Variants in OXR1 observed in about 807,000 individuals in gnomAD.
The protein encoded by OXR1 is oxidation resistance 1.
OXR1 carries 41 observed loss-of-function variants against 104.6 expected under a neutral mutation model. That is an observed-to-expected ratio of 0.39 (90% CI 0.31 to 0.51). OXR1 has a LOEUF of 0.51. OXR1 is among the 20% of genes least tolerant of loss of function. The pLI, the probability that OXR1 is intolerant of heterozygous loss-of-function variation, is 0.77. For missense variants in OXR1, 955 were observed against 1,031.9 expected (o/e 0.93, Z 1.02); for synonymous variants, 348 against 348.4 (o/e 1.00, Z 0.01).
At chr8:106,404,088 G>A (rs570059689) in intron 2 of OXR1, among the ~76,000 whole-genome samples, 5 of 152,240 alleles carry the variant, frequency 3.3e-5, no homozygotes, top group East Asian at 1.9e-4. Context: ...GTTTTCAGAT[G>A]GGGGTGGAAA....
At chr8:106,668,175 T>A (rs1826545868) in intron 3 of OXR1, among the ~76,000 whole-genome samples, 1 of 152,176 alleles carries the variant, frequency 6.6e-6, no homozygotes, top group African/African-American at 2.4e-5. Context: ...ACCACTTTTT[T>A]ATAACTTATT....
At chr8:106,468,691 A>G (rs115154416) in intron 2 of OXR1, among the ~76,000 whole-genome samples, 169 of 151,882 alleles carry the variant, frequency 1.1e-3, no homozygotes, top group African/African-American at 4.0e-3. Context: ...ATTTGGATTT[A>G]TGGTTAATAT....
At chr8:106,273,491 T>C (rs1811902438) in intron 1 of OXR1, among the ~76,000 whole-genome samples, 1 of 152,198 alleles carries the variant, frequency 6.6e-6, no homozygotes, top group African/African-American at 2.4e-5. Context: ...GTGCTGCTGG[T>C]GTCTTGTGGG....
intron 2 of OXR1, among the ~76,000 whole-genome samples, chr8:106,505,749 A>G (rs1053622843): frequency 2.0e-5 from 3 of 152,224 alleles, no homozygotes; most frequent in Non-Finnish European, 4.4e-5. Context: ...ATCTTGAAGG[A>G]TATCAAGGCA....
At chr8:106,658,524 T>G (rs372523299) in intron 3 of OXR1, among the ~76,000 whole-genome samples, 5 of 152,226 alleles carry the variant, frequency 3.3e-5, no homozygotes, top group Non-Finnish European at 5.9e-5. Flanking sequence ...GAACCAGTTA[T>G]GACGTCCGTG....
intron 3 of OXR1, among the ~76,000 whole-genome samples, chr8:106,606,232 C>T (rs553343186): frequency 1.3e-5 from 2 of 152,132 alleles, no homozygotes; most frequent in African/African-American, 2.4e-5. Flanking sequence ...CACCTACCAT[C>T]GTCAAAGCCA....
chr8:106,691,505 G>C (rs1829271524), intron 6 of OXR1, among the ~76,000 whole-genome samples: 2 of 151,316 alleles, frequency 1.3e-5, no homozygotes, highest in African/African-American at 2.4e-5. Context: ...TTGACAAATT[G>C]GTATTGCTAT....
intron 3 of OXR1, among the ~76,000 whole-genome samples, chr8:106,614,355 T>A (rs1329199699): frequency 6.6e-6 from 1 of 152,168 alleles, no homozygotes; most frequent in African/African-American, 2.4e-5. Flanking sequence ...CTACATGGTG[T>A]GACAACAGAT....
intron 1 of OXR1, among the ~76,000 whole-genome samples, chr8:106,327,312 C>T (rs1461392047): frequency 2.6e-5 from 4 of 152,136 alleles, no homozygotes; most frequent in Non-Finnish European, 4.4e-5. Flanking sequence ...TTTGTTCCTG[C>T]TCTTTGATTT....
chr8:106,674,076 C>G (rs1230404547), intron 3 of OXR1, among the ~76,000 whole-genome samples: 1 of 152,182 alleles, frequency 6.6e-6, no homozygotes, highest in Non-Finnish European at 1.5e-5. Context: ...GAGAAGAGGC[C>G]TACCTTCCTC....
chr8:106,345,866 T>TG (rs1425197106), intron 1 of OXR1, among the ~76,000 whole-genome samples: 1 of 152,188 alleles, frequency 6.6e-6, no homozygotes, highest in Non-Finnish European at 1.5e-5. Flanking sequence ...TCTCATGTGG[T>TG]GGGTAGACAA....
intron 3 of OXR1, among the ~76,000 whole-genome samples, chr8:106,676,614 G>A (rs910649306): frequency 7.2e-5 from 11 of 151,992 alleles, no homozygotes; most frequent in African/African-American, 2.7e-4. Context: ...ATGAATATTG[G>A]CCCTCAATCT....
At chr8:106,648,112 C>T (rs1384330952) in intron 3 of OXR1, among the ~76,000 whole-genome samples, 1 of 152,152 alleles carries the variant, frequency 6.6e-6, no homozygotes, top group Non-Finnish European at 1.5e-5. Flanking sequence ...TGTGGCTACT[C>T]ATAATAGTTT....
chr8:106,695,101 C>T (rs567955491), intron 7 of OXR1, among the ~76,000 whole-genome samples: 3 of 150,306 alleles, frequency 2.0e-5, no homozygotes, highest in South Asian at 4.2e-4. Context: ...GTGTTCTTAT[C>T]GTAACACCTC....
chr8:106,389,415 A>G (rs1817507807), intron 2 of OXR1, among the ~76,000 whole-genome samples: 1 of 152,216 alleles, frequency 6.6e-6, no homozygotes, highest in Admixed American at 6.5e-5. Flanking sequence ...TCATAAGACA[A>G]TAAGTTATTA....
At chr8:106,275,070 C>T (rs1028130690) in intron 1 of OXR1, among the ~76,000 whole-genome samples, 1 of 152,198 alleles carries the variant, frequency 6.6e-6, no homozygotes, top group Admixed American at 6.5e-5. Context: ...ATAAGATGGG[C>T]ATTCATTTTC....
chr8:106,696,457 A>G (rs1056395537), intron 7 of OXR1, among the ~76,000 whole-genome samples: 1 of 152,170 alleles, frequency 6.6e-6, no homozygotes, highest in African/African-American at 2.4e-5. Flanking sequence ...TTTGTGTGGT[A>G]AGTTTTCATC....
intron 3 of OXR1, among the ~76,000 whole-genome samples, chr8:106,586,451 T>C (rs1157628935): frequency 2.0e-5 from 3 of 152,186 alleles, no homozygotes; most frequent in Non-Finnish European, 4.4e-5. Flanking sequence ...TTGCAGAGAA[T>C]TCAGGAGTTT....
intron 3 of OXR1, among the ~76,000 whole-genome samples, chr8:106,611,332 G>A (rs927563200): frequency 2.6e-5 from 4 of 152,214 alleles, no homozygotes; most frequent in African/African-American, 9.6e-5. Flanking sequence ...CAGTGAGCAA[G>A]ATGTGTTGGT....
Sources: allele counts gnomAD v4.1 joint callset (sites outside exome capture counted in the v4.1 genomes callset), GRCh38; gene constraint gnomAD v4.1.1; transcripts MANE v1.5; gene names NCBI Gene and HGNC (gene_info 2026-07-23, HGNC 2026-07-21).